STK32B: variants seen among roughly 807,000 people sequenced by gnomAD.
STK32B encodes the protein serine/threonine-protein kinase 32B.
Under a neutral mutation model 52.6 loss-of-function variants are expected in STK32B, and 43 were observed. The ratio of observed to expected loss-of-function variants is 0.82; its 90% CI spans 0.64 to 1.05. The LOEUF is 1.05. Ranked by LOEUF, STK32B falls within the 50% of genes least tolerant of loss-of-function variation. STK32B has a pLI of 0.00. For missense variants in STK32B, 621 were observed against 534.6 expected, an observed-to-expected ratio of 1.16 and a Z score of -1.59; for synonymous variants, 238 against 204.3, an observed-to-expected ratio of 1.17 and a Z score of -1.41.
intron 3 of STK32B, among the ~76,000 whole-genome samples, chr4:5,193,566 G>T (rs976321119): frequency 2.6e-5 from 4 of 152,240 alleles, no homozygotes; most frequent in Non-Finnish European, 4.4e-5. Context: ...GATAACAGGT[G>T]TGCCAGTTGC....
intron 2 of STK32B, among the ~76,000 whole-genome samples, chr4:5,162,254 G>A (rs73797105): frequency 0.01 from 1,526 of 152,288 alleles, 27 homozygotes; most frequent in African/African-American, 0.034. Context: ...GACACCGAAC[G>A]AGGACTTTCT....
intron 11 of STK32B, among the ~76,000 whole-genome samples, chr4:5,482,153 T>A (rs1296242020): frequency 1.3e-5 from 2 of 152,214 alleles, no homozygotes; most frequent in African/African-American, 2.4e-5. Context: ...GGGATGGCAT[T>A]GAATCTATAA....
At chr4:5,384,797 A>C (rs1254810351) in intron 4 of STK32B, among the ~76,000 whole-genome samples, 1 of 152,134 alleles carries the variant, frequency 6.6e-6, no homozygotes, top group East Asian at 1.9e-4. Context: ...GAATTGCAGG[A>C]AACAGAAGGA....
At chr4:5,295,984 A>T (rs1729173685) in intron 3 of STK32B, among the ~76,000 whole-genome samples, 1 of 151,980 alleles carries the variant, frequency 6.6e-6, no homozygotes, top group Non-Finnish European at 1.5e-5. Context: ...CGTTGGTTTC[A>T]ATGAAGTTAT....
intron 3 of STK32B, among the ~76,000 whole-genome samples, chr4:5,198,906 C>T (rs111666983): frequency 5.8e-4 from 88 of 152,296 alleles, no homozygotes; most frequent in African/African-American, 1.2e-3. Context: ...ACAGAGGTGG[C>T]TGATCCTGTC....
intron 1 of STK32B, among the ~76,000 whole-genome samples, chr4:5,100,966 A>G (rs1036340677): frequency 1.3e-5 from 2 of 151,410 alleles, no homozygotes; most frequent in South Asian, 4.2e-4. Flanking sequence ...TGGCACAATC[A>G]TAGCTCACTG....
At chr4:5,412,275 A>G (rs1055709132) in intron 5 of STK32B, among the ~76,000 whole-genome samples, 5 of 152,210 alleles carry the variant, frequency 3.3e-5, no homozygotes, top group African/African-American at 9.6e-5. Context: ...TTCACATTCT[A>G]TAGTAAACTT....
intron 5 of STK32B, among the ~76,000 whole-genome samples, chr4:5,407,036 T>A (rs1737728541): frequency 6.6e-6 from 1 of 152,260 alleles, no homozygotes; most frequent in East Asian, 1.9e-4. Context: ...TCCAGGTCAC[T>A]TTTTTACTCA....
intron 3 of STK32B, among the ~76,000 whole-genome samples, chr4:5,287,401 GC>G (rs1728621868): frequency 6.6e-6 from 1 of 151,912 alleles, no homozygotes; most frequent in Middle Eastern, 3.2e-3. Flanking sequence ...ATATTTATTG[GC>G]CAATTGGACA....
chr4:5,062,661 AC>A (rs1742261898), intron 1 of STK32B, among the ~76,000 whole-genome samples: 1 of 152,042 alleles, frequency 6.6e-6, no homozygotes. Flanking sequence ...GGCACCTGCC[AC>A]CATGCCCCGC....
intron 4 of STK32B, among the ~76,000 whole-genome samples, chr4:5,377,834 C>A (rs914796945): frequency 3.3e-5 from 5 of 152,186 alleles, no homozygotes; most frequent in Admixed American, 2.0e-4. Flanking sequence ...GCTTCCTCAG[C>A]CATTTGGAGC....
At chr4:5,094,952 G>T (rs1403755978) in intron 1 of STK32B, among the ~76,000 whole-genome samples, 1 of 152,186 alleles carries the variant, frequency 6.6e-6, no homozygotes. Flanking sequence ...ACTACTAGCT[G>T]CCAGGCCCTG....
chr4:5,153,642 G>A (rs754129034), intron 2 of STK32B, among the ~76,000 whole-genome samples: 1 of 151,982 alleles, frequency 6.6e-6, no homozygotes, highest in Non-Finnish European at 1.5e-5. Context: ...TAGAAACAAG[G>A]CAAAGATATG....
chr4:5,193,829 A>G (rs185006126), intron 3 of STK32B, among the ~76,000 whole-genome samples: 46 of 152,358 alleles, frequency 3.0e-4, no homozygotes, highest in Non-Finnish European at 1.2e-4. Flanking sequence ...TGGTGGACAC[A>G]TTGAACTGAA....
intron 2 of STK32B, among the ~76,000 whole-genome samples, chr4:5,144,393 C>G (rs930694487): frequency 6.6e-6 from 1 of 152,196 alleles, no homozygotes; most frequent in African/African-American, 2.4e-5. Flanking sequence ...TTAAGGCTCT[C>G]TTTCCCCTAC....
intron 3 of STK32B, among the ~76,000 whole-genome samples, chr4:5,307,205 T>C (rs1729979666): frequency 6.6e-6 from 1 of 152,172 alleles, no homozygotes; most frequent in South Asian, 2.1e-4. Context: ...CTGGGGAAGT[T>C]TTCCTTGATT....
intron 3 of STK32B, among the ~76,000 whole-genome samples, chr4:5,176,419 G>T (rs1405829797): frequency 7.1e-6 from 1 of 141,594 alleles, no homozygotes; most frequent in African/African-American, 2.7e-5. Flanking sequence ...GACTGGAGCT[G>T]TTCCTATTCG....
At chr4:5,455,345 G>T (rs1716403474) in intron 7 of STK32B, among the ~76,000 whole-genome samples, 1 of 152,210 alleles carries the variant, frequency 6.6e-6, no homozygotes, top group Non-Finnish European at 1.5e-5. Flanking sequence ...TCACGTGGTG[G>T]TGACAGTCCA....
At chr4:5,491,946 T>G (rs1390400279) in intron 11 of STK32B, among the ~76,000 whole-genome samples, 2 of 152,226 alleles carry the variant, frequency 1.3e-5, no homozygotes, top group African/African-American at 4.8e-5. Flanking sequence ...ATATCTCTCT[T>G]TTGGTACCAG....
Sources: gnomAD v4.1 joint callset for allele counts (sites outside exome capture counted in the v4.1 genomes callset) on GRCh38, gnomAD v4.1.1 for gene constraint, MANE v1.5 for transcripts, NCBI Gene and HGNC (gene_info 2026-07-23, HGNC 2026-07-21) for gene names.